Variants in HLF observed in about 807,000 individuals in gnomAD.
HLF encodes HLF transcription factor, PAR bZIP family member, also known as hepatic leukemia factor.
Under a neutral mutation model 22.6 loss-of-function variants are expected in HLF, and 3 were observed. The observed-to-expected ratio is 0.13, with a 90% CI of 0.06 to 0.34. HLF has a LOEUF of 0.34. HLF is among the 10% of genes least tolerant of loss of function. The pLI is 1.00. For synonymous variants in HLF, 151 were observed against 151.8 expected (o/e 0.99, Z 0.04); for missense variants, 299 against 389.2 (o/e 0.77, Z 1.95).
At position 55,315,388 on chromosome 17, in the gene HLF, C is replaced by A. The variant is rs1297548909; in HGVS notation, c.613C>A (p.Leu205Met). 1.2e-6 allele frequency: 2 copies of A among 1,614,178 alleles called. No individual in the cohort carries two copies. Among genetic ancestry groups the A allele is most frequent in the East Asian group, 2.2e-5 (1 of 44,890 alleles). ...CAAACGCAAGTTCTCTGAGGAAGAA[C>A]TGAAGCCACAGCCCATGATCAAGAA... Reference protein sequence around the residue: ...PRKRKFSEEELKPQPMIKKAR... With the variant: ...PRKRKFSEEEMKPQPMIKKAR... Residue 205 changes from leucine (L) to methionine (M), a missense_variant, in exon 3 of 4, where the codon CTG becomes ATG. This residue lies in a region of HLF where 224 missense variants were observed against 298.1 expected (regional missense o/e 0.75). Coordinates refer to ENST00000226067, the MANE Select transcript of HLF (RefSeq NM_002126.5).
At position 55,323,537 on chromosome 17, in the gene HLF, T is replaced by G; in HGVS notation, c.*2658T>G. 1 of 217,574 alleles carries G rather than the reference T, an allele frequency of 4.6e-6. No individual in the cohort carries two copies. 13.5% of individuals were successfully genotyped at this position (217,574 alleles called of 1,614,324 possible). On this transcript the variant is annotated 3_prime_UTR_variant, in exon 4 of 4. Coordinates refer to ENST00000226067, the MANE Select transcript of HLF (RefSeq NM_002126.5). Reference sequence around the variant, plus strand: ...ATAAAAAGATTCTAATAAAATGTATTCTCTTGTGTGCCAGGAGAGGTTTCA... The same window carrying G: ...ATAAAAAGATTCTAATAAAATGTATGCTCTTGTGTGCCAGGAGAGGTTTCA...
At position 55,267,801 on chromosome 17, in the gene HLF, A is replaced by T. The variant is rs1339383221; in HGVS notation, c.166A>T (p.Ser56Cys). 13 of 1,608,848 alleles carry T rather than the reference A, an allele frequency of 8.1e-6. No homozygotes were observed. The highest frequency in any genetic ancestry group is 1.0e-5 in the Non-Finnish European group (12 of 1,175,676). Residue 56 changes from serine (S) to cysteine (C), a missense_variant, in exon 2 of 4, where the codon AGC (serine) becomes TGC (cysteine). Coordinates refer to ENST00000226067, the MANE Select transcript of HLF (RefSeq NM_002126.5). Reference protein sequence around the residue: ...KEKKLDDESNSPTVPQSAFLG... With the variant: ...KEKKLDDESNCPTVPQSAFLG... ...AAAGAAGCTGGATGATGAGAGTAAC[A>T]GCCCGACGGTCCCCCAGTCGGCATT...
chr17:55,292,126 G>C (rs1157199944), intron 2 of HLF, among the ~76,000 whole-genome samples: 1 of 152,202 alleles, frequency 6.6e-6, no homozygotes, highest in African/African-American at 2.4e-5. Context: ...TGCCAGCAAA[G>C]GATTTAGAAT....
Position 55,315,255 on chromosome 17 carries a change from A to T in HLF, c.480A>T (p.Thr160=). ...PGQLLPANRN[T]PSPIDPDTIQ... ...AGCTGTTGCCAGCAAACCGCAATAC[A>T]CCAAGTCCCATTGATCCTGACACCA... Residue 160 remains threonine, a synonymous_variant, in exon 3 of 4, where the codon ACA becomes ACT. Coordinates refer to ENST00000226067, the MANE Select transcript of HLF (RefSeq NM_002126.5). 6.2e-7 allele frequency: 1 copy of T among 1,614,206 alleles called. No homozygotes were observed. Among genetic ancestry groups the T allele is most frequent in the South Asian group, 1.1e-5 (1 of 91,086 alleles).
chr17:55,265,592 C>A lies in HLF; in HGVS notation c.108C>A (p.His36Gln). The A allele has an allele frequency of 1.3e-6, 2 of 1,589,606 alleles. No homozygotes were observed. The highest frequency in any genetic ancestry group is 1.7e-6 in the Non-Finnish European group (2 of 1,165,428). The change falls in exon 1 of 4, where the codon CAC becomes CAA. Residue 36 changes from histidine (H) to glutamine (Q), a missense_variant. Coordinates refer to ENST00000226067, the MANE Select transcript of HLF (RefSeq NM_002126.5). ...ACCCGCTGAAGCTCCCCCTTCACCA[C>A]GAAGACGGTGAGCGCTGCCGCGGCC... ...LENPLKLPLH[H>Q]EDAFSKDKDK...
rs568399230 is a variant in HLF at position 55,319,320 on chromosome 17, A to G, written c.673-1344A>G. ...ACCCATGTGACCTCCTTCAATGCCA[A>G]CTGCCCCTTGGAATTCTGAGGGGTG... is the stretch of plus-strand genomic sequence containing the variant. On this transcript the variant is annotated intron_variant, in intron 3 of 3. Transcript: ENST00000226067. 5.3e-4 allele frequency among the ~76,000 whole-genome samples: 80 copies of G among 152,220 alleles called. 1 individual carries two copies. Among genetic ancestry groups the G allele is most frequent in the African/African-American group, 1.9e-3 (78 of 41,520 alleles).
At chr17:55,281,467 C>G (rs572905115) in intron 2 of HLF, among the ~76,000 whole-genome samples, 1 of 152,142 alleles carries the variant, frequency 6.6e-6, no homozygotes, top group Non-Finnish European at 1.5e-5. Flanking sequence ...GAGCCAAGAT[C>G]GTGCCATTGC....
At chr17:55,302,528 G>T (rs73990641) in intron 2 of HLF, among the ~76,000 whole-genome samples, 1,843 of 152,188 alleles carry the variant, frequency 0.012, 35 homozygotes, top group African/African-American at 0.04. Context: ...GGAGGGAAGG[G>T]TGTCACCGGG....
At chr17:55,302,636 A>G (rs1026877814) in intron 2 of HLF, among the ~76,000 whole-genome samples, 3 of 152,136 alleles carry the variant, frequency 2.0e-5, no homozygotes, top group Non-Finnish European at 2.9e-5. Context: ...TCTCTTTTCT[A>G]AAAACAAAAT....
intron 2 of HLF, among the ~76,000 whole-genome samples, chr17:55,289,488 C>G (rs2081039060): frequency 6.6e-6 from 1 of 152,268 alleles, no homozygotes; most frequent in Non-Finnish European, 1.5e-5. Context: ...TTTAGTGTGC[C>G]TCAGTTTACT....
intron 2 of HLF, among the ~76,000 whole-genome samples, chr17:55,271,272 A>G (rs1372717652): frequency 1.3e-5 from 2 of 152,234 alleles, no homozygotes; most frequent in Non-Finnish European, 2.9e-5. Context: ...GAGCATAATT[A>G]TACACTTTAG....
chr17:55,301,861 A>T (rs929301398), intron 2 of HLF, among the ~76,000 whole-genome samples: 1 of 152,224 alleles, frequency 6.6e-6, no homozygotes, highest in Non-Finnish European at 1.5e-5. Context: ...TCATGACTGC[A>T]CCTGTCTTGT....
chr17:55,281,509 A>G (rs1419854368), intron 2 of HLF, among the ~76,000 whole-genome samples: 2 of 152,150 alleles, frequency 1.3e-5, no homozygotes, highest in Non-Finnish European at 2.9e-5. Flanking sequence ...GCAAAACTCC[A>G]TCTCAAACAA....
chr17:55,265,642 C>CG, intron 1 of HLF, 43 bp downstream of exon 1: 1 of 1,391,866 alleles, frequency 7.2e-7, no homozygotes, highest in Non-Finnish European at 9.9e-7. Context: ...GACGACGCTC[C>CG]GGGGGTCCCC....
rs574811959 is a variant in HLF at position 55,304,990 on chromosome 17, G to A, written c.452-10237G>A. On this transcript the variant is annotated intron_variant, in intron 2 of 3. Coordinates refer to ENST00000226067, the MANE Select transcript of HLF (RefSeq NM_002126.5). Reference sequence around the variant, plus strand: ...GAAAGGGGCTCAGGCCAGAGTGGGAGCATTGAAACAGGGTTCAAAATGTCT... The same window carrying A: ...GAAAGGGGCTCAGGCCAGAGTGGGAACATTGAAACAGGGTTCAAAATGTCT... Among the ~76,000 whole-genome samples the A allele has an allele frequency of 2.6e-5, 4 of 152,358 alleles. No individual in the cohort carries two copies. In the South Asian group the frequency reaches 8.3e-4, roughly 32 times the overall value.
chr17:55,275,982 C>T (rs898398997), intron 2 of HLF, among the ~76,000 whole-genome samples: 4 of 152,116 alleles, frequency 2.6e-5, no homozygotes, highest in African/African-American at 9.7e-5. Flanking sequence ...GTGGCACGTG[C>T]CTGTAGTCTT....
intron 2 of HLF, among the ~76,000 whole-genome samples, chr17:55,310,555 A>T (rs1289043609): frequency 2.0e-5 from 3 of 152,230 alleles, no homozygotes; most frequent in African/African-American, 7.2e-5. Flanking sequence ...ATATTCCTTT[A>T]AAGTCTGGGA....
intron 2 of HLF, among the ~76,000 whole-genome samples, chr17:55,277,623 AT>A (rs2080917119): frequency 7.4e-6 from 1 of 134,808 alleles, no homozygotes; most frequent in African/African-American, 2.8e-5. Flanking sequence ...AGGGGATCGG[AT>A]TGGGGGGGGT....
At chr17:55,313,183 T>C (rs956729437) in intron 2 of HLF, among the ~76,000 whole-genome samples, 4 of 152,148 alleles carry the variant, frequency 2.6e-5, no homozygotes, top group African/African-American at 7.2e-5. Flanking sequence ...GGAAGTGTTA[T>C]TGTTAGAATG....
Sources: gnomAD v4.1 joint callset for allele counts (sites outside exome capture counted in the v4.1 genomes callset) on GRCh38, gnomAD v4.1.1 for gene constraint, gnomAD v4.1.1 regional missense constraint, MANE v1.5 for transcripts, NCBI Gene and HGNC (gene_info 2026-07-23, HGNC 2026-07-21) for gene names.